Variants in PHACTR1 observed in about 807,000 individuals in gnomAD.
The protein encoded by PHACTR1 is phosphatase and actin regulator 1.
In PHACTR1, 16 loss-of-function variants were observed where a neutral mutation model predicts 69.2. The observed-to-expected ratio is 0.23, with a 90% CI of 0.16 to 0.35. The LOEUF is 0.35. PHACTR1 is among the 10% of genes least tolerant of loss of function. The pLI is 1.00. For missense variants in PHACTR1, 510 were observed against 734.7 expected, an observed-to-expected ratio of 0.69 and a Z score of 3.54; for synonymous variants, 312 against 284.5, an observed-to-expected ratio of 1.10 and a Z score of -0.97.
At chr6:13,131,540 T>C (rs1228805922) in intron 5 of PHACTR1, among the ~76,000 whole-genome samples, 3 of 152,000 alleles carry the variant, frequency 2.0e-5, no homozygotes, top group African/African-American at 4.8e-5. Flanking sequence ...TCAATAATTA[T>C]CACTAAAGAA....
chr6:13,244,201 G>A (rs769827823), intron 10 of PHACTR1, among the ~76,000 whole-genome samples: 15 of 152,112 alleles, frequency 9.9e-5, no homozygotes, highest in Non-Finnish European at 2.1e-4. Context: ...TTTTTATTAG[G>A]GGTTTTCAAA....
chr6:12,965,992 G>A (rs76282554), intron 4 of PHACTR1, among the ~76,000 whole-genome samples: 2,763 of 152,320 alleles, frequency 0.018, 21 homozygotes, highest in Non-Finnish European at 0.029. Flanking sequence ...GGACATGGCG[G>A]TGGCAAGGAA....
chr6:13,009,091 G>T (rs1189376986), intron 4 of PHACTR1, among the ~76,000 whole-genome samples: 1 of 152,116 alleles, frequency 6.6e-6, no homozygotes, highest in African/African-American at 2.4e-5. Context: ...TCTTCACATT[G>T]TCTTCTCCTC....
chr6:13,086,383 G>A (rs1241139217), intron 5 of PHACTR1, among the ~76,000 whole-genome samples: 46 of 152,046 alleles, frequency 3.0e-4, no homozygotes, highest in Admixed American at 3.0e-3. Flanking sequence ...CCGTTTTCAT[G>A]TACAGTTTTA....
chr6:12,861,722 T>C (rs192146516), intron 4 of PHACTR1, among the ~76,000 whole-genome samples: 54 of 152,316 alleles, frequency 3.5e-4, no homozygotes. Flanking sequence ...TACTCTCCCA[T>C]ATATAAATAC....
chr6:13,216,123 A>T (rs1408453390), intron 8 of PHACTR1, among the ~76,000 whole-genome samples: 1 of 152,230 alleles, frequency 6.6e-6, no homozygotes, highest in Non-Finnish European at 1.5e-5. Context: ...AAGAAATTGA[A>T]ATCAGTAGAC....
At chr6:12,855,604 G>A (rs1230719668) in intron 4 of PHACTR1, among the ~76,000 whole-genome samples, 3 of 152,130 alleles carry the variant, frequency 2.0e-5, no homozygotes, top group Non-Finnish European at 4.4e-5. Context: ...GGTTCACAGG[G>A]TCATAAAGAT....
intron 4 of PHACTR1, among the ~76,000 whole-genome samples, chr6:12,847,690 T>G (rs1394000146): frequency 3.9e-5 from 6 of 152,080 alleles, no homozygotes; most frequent in Non-Finnish European, 7.4e-5. Context: ...TCCCAAGATG[T>G]TTCAGTGGCA....
At chr6:13,062,753 C>T (rs1218561591) in intron 5 of PHACTR1, among the ~76,000 whole-genome samples, 1 of 152,172 alleles carries the variant, frequency 6.6e-6, no homozygotes, top group Non-Finnish European at 1.5e-5. Flanking sequence ...CCCTTAGTTA[C>T]ATCACATTTT....
At chr6:13,054,201 G>A (rs36119782) in intron 5 of PHACTR1, among the ~76,000 whole-genome samples, 30,315 of 152,134 alleles carry the variant, frequency 0.2, 3,202 homozygotes, top group South Asian at 0.26. Flanking sequence ...CAGCTTCCTC[G>A]TCTGTAAAAT....
At chr6:13,065,650 G>T (rs1808511588) in intron 5 of PHACTR1, among the ~76,000 whole-genome samples, 1 of 152,034 alleles carries the variant, frequency 6.6e-6, no homozygotes, top group Non-Finnish European at 1.5e-5. Flanking sequence ...AGCTTGAGGG[G>T]GATGTTTTTT....
intron 4 of PHACTR1, among the ~76,000 whole-genome samples, chr6:12,816,526 G>C (rs1292904297): frequency 1.3e-5 from 2 of 152,180 alleles, no homozygotes; most frequent in Admixed American, 6.5e-5. Flanking sequence ...GCATTGCACT[G>C]CATTGTGGTT....
At chr6:13,129,637 G>A (rs540024354) in intron 5 of PHACTR1, among the ~76,000 whole-genome samples, 174 of 152,098 alleles carry the variant, frequency 1.1e-3, no homozygotes, top group African/African-American at 3.9e-3. Flanking sequence ...CCTAACACTG[G>A]AGCTCCCAAA....
chr6:12,761,917 C>T (rs955637937), intron 4 of PHACTR1, among the ~76,000 whole-genome samples: 77 of 152,226 alleles, frequency 5.1e-4, no homozygotes, highest in South Asian at 2.1e-4. Context: ...TGACACAGTT[C>T]GCACAGCTGT....
chr6:12,779,699 T>C (rs1770569385), intron 4 of PHACTR1, among the ~76,000 whole-genome samples: 1 of 152,214 alleles, frequency 6.6e-6, no homozygotes, highest in Admixed American at 6.5e-5. Context: ...TTTCTGTTTA[T>C]CGAAACGGCT....
intron 4 of PHACTR1, among the ~76,000 whole-genome samples, chr6:12,831,176 T>C (rs1777540995): frequency 6.6e-6 from 1 of 152,234 alleles, no homozygotes; most frequent in Non-Finnish European, 1.5e-5. Flanking sequence ...TGCATAGTAG[T>C]TGCTCAAGAA....
chr6:12,926,315 T>C (rs1788262688), intron 4 of PHACTR1, among the ~76,000 whole-genome samples: 1 of 152,228 alleles, frequency 6.6e-6, no homozygotes, highest in Non-Finnish European at 1.5e-5. Flanking sequence ...TTTGTTTACA[T>C]TTCCTAAGAT....
intron 5 of PHACTR1, among the ~76,000 whole-genome samples, chr6:13,150,912 A>C (rs894680908): frequency 6.6e-6 from 1 of 152,222 alleles, no homozygotes; most frequent in Non-Finnish European, 1.5e-5. Flanking sequence ...CATCACACTA[A>C]TACGTGGGTT....
intron 4 of PHACTR1, among the ~76,000 whole-genome samples, chr6:13,001,050 T>C (rs984785942): frequency 6.6e-6 from 1 of 152,210 alleles, no homozygotes; most frequent in African/African-American, 2.4e-5. Context: ...TAGTTGGCTT[T>C]CTGGAATCAT....
Sources: gnomAD v4.1 joint callset for allele counts (sites outside exome capture counted in the v4.1 genomes callset) on GRCh38, gnomAD v4.1.1 for gene constraint, MANE v1.5 for transcripts, NCBI Gene and HGNC (gene_info 2026-07-23, HGNC 2026-07-21) for gene names.